Variants in PLEKHM2 observed in about 807,000 individuals in gnomAD.
PLEKHM2 encodes the protein pleckstrin homology domain-containing family M member 2.
In PLEKHM2, 77 loss-of-function variants were observed where a neutral mutation model predicts 116.3. That is an observed-to-expected ratio of 0.66 (90% CI 0.55 to 0.80). The LOEUF is 0.80. Among genes scored for constraint, PLEKHM2 ranks in the 30% least tolerant of loss-of-function variants. PLEKHM2 has a pLI of 0.00. For missense variants in PLEKHM2, 1,183 were observed against 1,354.9 expected (o/e 0.87, Z 1.99); for synonymous variants, 562 against 571.0 (o/e 0.98, Z 0.22).
intron 6 of PLEKHM2, chr1:15,720,448 G>T: frequency 1.0e-6 from 1 of 985,280 alleles, no homozygotes; most frequent in African/African-American, 1.7e-5. Context: ...GTTTGGGATG[G>T]TCGCACCCTT....
chr1:15,725,488 A>C lies in PLEKHM2; in HGVS notation c.884A>C (p.Lys295Thr). ...TTPVHTTSQE[K>T]EEAQALDPPD... Reference sequence around the variant, plus strand: ...CCCGTGCACACCACCTCTCAGGAGAAGGAGGAGGCCCAGGCCCTGGACCCG... The same window carrying C: ...CCCGTGCACACCACCTCTCAGGAGACGGAGGAGGCCCAGGCCCTGGACCCG... Residue 295 changes from lysine to threonine, a missense_variant, in exon 8 of 20, where the codon AAG (lysine) becomes ACG (threonine). This residue lies in a region of PLEKHM2 where 372 missense variants were observed against 357.2 expected (regional missense o/e 1.04). Transcript: ENST00000375799. 1 of 1,581,984 alleles carries C rather than the reference A, an allele frequency of 6.3e-7. No individual in the cohort carries two copies. Among genetic ancestry groups the C allele is most frequent in the Non-Finnish European group, 8.6e-7 (1 of 1,164,994 alleles).
chr1:15,720,144 AT>A (rs1160233370), intron 6 of PLEKHM2, among the ~76,000 whole-genome samples: 11 of 147,988 alleles, frequency 7.4e-5, no homozygotes, highest in African/African-American at 2.7e-4. Flanking sequence ...ATATATATAT[AT>A]ATATAAAATA....
chr1:15,703,478 G>A (rs148535376), intron 1 of PLEKHM2, among the ~76,000 whole-genome samples: 5 of 152,328 alleles, frequency 3.3e-5, no homozygotes, highest in Non-Finnish European at 7.4e-5. Flanking sequence ...GGGCAGGGTT[G>A]CAGCCTCTTT....
intron 5 of PLEKHM2, 100 bp downstream of exon 5, chr1:15,718,725 G>C (rs1641499010): frequency 1.3e-6 from 1 of 741,246 alleles, no homozygotes; most frequent in Non-Finnish European, 2.3e-6. Context: ...TGTTGAGGGA[G>C]CTTGTTGAGT....
At chr1:15,693,836 G>C (rs572926663) in intron 1 of PLEKHM2, among the ~76,000 whole-genome samples, 1 of 152,188 alleles carries the variant, frequency 6.6e-6, no homozygotes. Flanking sequence ...TGTTCAGTTC[G>C]TGACAGTTGT....
At chr1:15,702,788 A>G (rs905620266) in intron 1 of PLEKHM2, among the ~76,000 whole-genome samples, 1 of 135,704 alleles carries the variant, frequency 7.4e-6, no homozygotes, top group African/African-American at 2.9e-5. Flanking sequence ...AGGTGTGATC[A>G]TGGCACATTG....
At chr1:15,726,788 C>T (rs754282827) in intron 8 of PLEKHM2, among the ~76,000 whole-genome samples, 6 of 152,180 alleles carry the variant, frequency 3.9e-5, no homozygotes, top group Non-Finnish European at 8.8e-5. Context: ...CTGTGCCCAG[C>T]CCATGCTACC....
chr1:15,726,457 C>T lies in PLEKHM2; in HGVS notation c.942-557C>T, dbSNP rs1432273427. On this transcript the variant is annotated intron_variant, in intron 8 of 19. Coordinates refer to ENST00000375799, the MANE Select transcript of PLEKHM2 (RefSeq NM_015164.4). The stretch of plus-strand genomic sequence containing the variant: ...AGTGACTGGAGCCAGGAGGCCACCC[C>T]ATGGGCTGGTTCCAGTCCACAGCAG... Among the ~76,000 whole-genome samples the T allele has an allele frequency of 2.0e-5, 3 of 152,200 alleles. No homozygotes were observed. The East Asian group carries it at 5.8e-4, about 29-fold the overall frequency.
At chr1:15,684,979 C>T (rs1292582535) in intron 1 of PLEKHM2, among the ~76,000 whole-genome samples, 1 of 152,074 alleles carries the variant, frequency 6.6e-6, no homozygotes, top group Non-Finnish European at 1.5e-5. Context: ...TCCGCTGCAT[C>T]CCCGGGTCCC....
At chr1:15,686,681 C>T (rs944474651) in intron 1 of PLEKHM2, among the ~76,000 whole-genome samples, 1 of 144,394 alleles carries the variant, frequency 6.9e-6, no homozygotes, top group Admixed American at 6.8e-5. Context: ...CGGAGTCTCG[C>T]TCTGTCGCCC....
intron 3 of PLEKHM2, among the ~76,000 whole-genome samples, chr1:15,717,484 A>G (rs58140482): frequency 0.37 from 56,003 of 152,116 alleles, 13,456 homozygotes; most frequent in African/African-American, 0.68. Context: ...TTTTCTCCCC[A>G]CATATGATGG....
intron 1 of PLEKHM2, among the ~76,000 whole-genome samples, chr1:15,705,813 C>G (rs182994255): frequency 1.3e-5 from 2 of 152,074 alleles, no homozygotes; most frequent in East Asian, 3.9e-4. Flanking sequence ...ATGGCAAGGC[C>G]GGATCTGGTG....
At chr1:15,732,311 T>TA in intron 17 of PLEKHM2, 39 bp from the exon 18 acceptor site, 1 of 1,508,350 alleles carries the variant, frequency 6.6e-7, no homozygotes, top group Non-Finnish European at 9.0e-7. Context: ...AGACCAGCCC[T>TA]GGAGGCCCCA....
chr1:15,727,286 G>T lies in PLEKHM2; in HGVS notation c.1214G>T (p.Arg405Leu). The change falls in exon 9 of 20, where the codon CGC becomes CTC. Residue 405 changes from arginine (R) to leucine (L), a missense_variant. Coordinates refer to ENST00000375799, the MANE Select transcript of PLEKHM2 (RefSeq NM_015164.4). This position sits in a 1 kb window ranked among gnomAD's most constrained non-coding sequence, Gnocchi z 7.5. ...IPEMKDTSME[R>L]LGQPLSKVID... ...GAGATGAAGGACACCTCCATGGAGC[G>T]CTTGGGGCAGCCCCTGAGCAAGGTT... The T allele has an allele frequency of 6.2e-7, 1 of 1,605,162 alleles. No individual in the cohort carries two copies.
At chr1:15,696,500 G>A (rs986773031) in intron 1 of PLEKHM2, among the ~76,000 whole-genome samples, 13 of 152,040 alleles carry the variant, frequency 8.6e-5, no homozygotes, top group Admixed American at 6.6e-4. Flanking sequence ...ATAGGCGCCC[G>A]CCACCACGCC....
intron 1 of PLEKHM2, among the ~76,000 whole-genome samples, chr1:15,704,858 G>T (rs146763217): frequency 6.6e-6 from 1 of 152,180 alleles, no homozygotes; most frequent in African/African-American, 2.4e-5. Flanking sequence ...TGCCCACCTC[G>T]CTGGCTGTGC....
chr1:15,727,288 T>A lies in PLEKHM2; in HGVS notation c.1216T>A (p.Leu406Met). The change falls in exon 9 of 20, where the codon TTG (leucine) becomes ATG (methionine). Residue 406 changes from leucine (L) to methionine (M), a missense_variant. This residue lies in a region of PLEKHM2 where 372 missense variants were observed against 357.2 expected (regional missense o/e 1.04). Transcript: ENST00000375799. This position sits in a 1 kb window ranked among gnomAD's most constrained non-coding sequence, Gnocchi z 7.5. ...PEMKDTSMER[L>M]GQPLSKVIDQ... Reference sequence around the variant, plus strand: ...GATGAAGGACACCTCCATGGAGCGCTTGGGGCAGCCCCTGAGCAAGGTTAT... The same window carrying A: ...GATGAAGGACACCTCCATGGAGCGCATGGGGCAGCCCCTGAGCAAGGTTAT... 6.2e-7 allele frequency: 1 copy of A among 1,605,548 alleles called. No homozygotes were observed. Among genetic ancestry groups the A allele is most frequent in the Non-Finnish European group, 8.5e-7 (1 of 1,177,008 alleles).
chr1:15,686,468 T>TTTG lies in PLEKHM2; in HGVS notation c.60+1871_60+1873dup, dbSNP rs539764002. Among the ~76,000 whole-genome samples the TTTG allele has an allele frequency of 1.6e-3, 240 of 152,022 alleles. 1 individual carries two copies. Among genetic ancestry groups the TTTG allele is most frequent in the African/African-American group, 5.1e-3 (212 of 41,452 alleles). ...AATTAGGGATGTTGTGGAGTGTTTT[T>TTTG]TTGTTGTTGTTGTTGTTGTTGTTTG... On this transcript the variant is annotated intron_variant, in intron 1 of 19. Coordinates refer to ENST00000375799, the MANE Select transcript of PLEKHM2 (RefSeq NM_015164.4).
chr1:15,715,429 G>A (rs1400449005), intron 1 of PLEKHM2, among the ~76,000 whole-genome samples: 1 of 152,166 alleles, frequency 6.6e-6, no homozygotes, highest in Non-Finnish European at 1.5e-5. Flanking sequence ...ATCACCTGAG[G>A]TCAGGAGCTT....
Sources: gnomAD v4.1 joint callset for allele counts (sites outside exome capture counted in the v4.1 genomes callset) on GRCh38, gnomAD v4.1.1 for gene constraint, gnomAD v4.1.1 regional missense constraint, Gnocchi (gnomAD v3.1) non-coding constraint, MANE v1.5 for transcripts, NCBI Gene and HGNC (gene_info 2026-07-23, HGNC 2026-07-21) for gene names.